EPHA3: variants seen among roughly 807,000 people sequenced by gnomAD.
EPHA3 encodes the protein EPH receptor A3.
A neutral mutation model predicts 107.1 loss-of-function variants in EPHA3; 42 were observed. That is an observed-to-expected ratio of 0.39 (90% CI 0.31 to 0.51). The LOEUF (loss-of-function observed/expected upper bound fraction) is 0.51, where lower values mean the gene tolerates loss of function less well. Among genes scored for constraint, EPHA3 ranks in the 20% least tolerant of loss-of-function variants. The probability of loss-of-function intolerance (pLI) is 0.78; values close to 1 mark genes in which losing one functional copy is unlikely to be tolerated. For synonymous variants in EPHA3, 461 were observed against 424.8 expected (o/e 1.09, Z -1.05); for missense variants, 1,183 against 1,211.2 (o/e 0.98, Z 0.35).
chr3:89,435,227 G>T (rs535012681), intron 13 of EPHA3, among the ~76,000 whole-genome samples: 1 of 151,694 alleles, frequency 6.6e-6, no homozygotes, highest in Non-Finnish European at 1.5e-5. Flanking sequence ...TATATTTAAA[G>T]CTAAATTATA....
At chr3:89,326,930 G>T (rs1335162823) in intron 3 of EPHA3, among the ~76,000 whole-genome samples, 1 of 152,054 alleles carries the variant, frequency 6.6e-6, no homozygotes, top group Non-Finnish European at 1.5e-5. Flanking sequence ...ATATGTGTTT[G>T]GTTGGACCAA....
chr3:89,142,043 C>T (rs1443989788), intron 2 of EPHA3, among the ~76,000 whole-genome samples: 4 of 151,154 alleles, frequency 2.6e-5, no homozygotes, highest in Admixed American at 6.6e-5. Flanking sequence ...AAAAATAAAA[C>T]TTTTTTCTAA....
chr3:89,390,093 G>T (rs1708694211), intron 5 of EPHA3, among the ~76,000 whole-genome samples: 1 of 152,072 alleles, frequency 6.6e-6, no homozygotes, highest in Non-Finnish European at 1.5e-5. Context: ...CAGGATTCAA[G>T]TGATTCTCCT....
At chr3:89,225,644 A>G (rs1474496377) in intron 3 of EPHA3, among the ~76,000 whole-genome samples, 4 of 152,224 alleles carry the variant, frequency 2.6e-5, no homozygotes, top group Admixed American at 2.0e-4. Context: ...TAGGTATGCC[A>G]TAAGTTCATA....
intron 3 of EPHA3, among the ~76,000 whole-genome samples, chr3:89,320,934 A>G (rs1707027970): frequency 6.6e-6 from 1 of 152,032 alleles, no homozygotes; most frequent in Non-Finnish European, 1.5e-5. Context: ...GGCTACTGAA[A>G]AGTCACTCCT....
intron 3 of EPHA3, among the ~76,000 whole-genome samples, chr3:89,283,310 A>G (rs1251774735): frequency 1.3e-5 from 2 of 152,092 alleles, no homozygotes; most frequent in Non-Finnish European, 2.9e-5. Flanking sequence ...GAAACAGAGG[A>G]AAAACATAAT....
intron 2 of EPHA3, among the ~76,000 whole-genome samples, chr3:89,165,702 C>T (rs1267777707): frequency 3.3e-5 from 5 of 152,174 alleles, no homozygotes; most frequent in African/African-American, 9.6e-5. Flanking sequence ...TCTTTACATA[C>T]TCATCTTCTG....
intron 3 of EPHA3, among the ~76,000 whole-genome samples, chr3:89,266,942 C>T (rs1705551212): frequency 6.6e-6 from 1 of 151,872 alleles, no homozygotes; most frequent in Non-Finnish European, 1.5e-5. Flanking sequence ...GGGCTAAAAC[C>T]TCTGAAAGTC....
At chr3:89,275,982 T>C (rs989486856) in intron 3 of EPHA3, among the ~76,000 whole-genome samples, 10 of 151,998 alleles carry the variant, frequency 6.6e-5, no homozygotes, top group Non-Finnish European at 4.4e-5. Context: ...TTGCAGAAGG[T>C]GTCTGAACTA....
chr3:89,244,159 A>C (rs1397271997), intron 3 of EPHA3, among the ~76,000 whole-genome samples: 2 of 152,114 alleles, frequency 1.3e-5, no homozygotes, highest in Non-Finnish European at 2.9e-5. Context: ...TGTAATTCTG[A>C]AAAAATATTA....
At chr3:89,385,142 C>A (rs893649995) in intron 5 of EPHA3, among the ~76,000 whole-genome samples, 1 of 152,082 alleles carries the variant, frequency 6.6e-6, no homozygotes, top group African/African-American at 2.4e-5. Flanking sequence ...AAAAGGATTT[C>A]ATTATGAAAA....
chr3:89,323,015 T>A (rs532348355), intron 3 of EPHA3, among the ~76,000 whole-genome samples: 12 of 152,224 alleles, frequency 7.9e-5, no homozygotes, highest in African/African-American at 2.9e-4. Context: ...TTGTGAATTA[T>A]ATTTAAAAAG....
intron 5 of EPHA3, among the ~76,000 whole-genome samples, chr3:89,375,494 C>G (rs1708385481): frequency 6.6e-6 from 1 of 151,460 alleles, no homozygotes; most frequent in Admixed American, 6.6e-5. Flanking sequence ...AGAGTGGGAG[C>G]CCGTTTGGAA....
intron 13 of EPHA3, among the ~76,000 whole-genome samples, chr3:89,434,608 T>C (rs1330666971): frequency 2.0e-5 from 3 of 152,194 alleles, no homozygotes; most frequent in Non-Finnish European, 2.9e-5. Context: ...CTGGCAGGAA[T>C]TGGAAACATT....
At chr3:89,237,484 A>C (rs1311734325) in intron 3 of EPHA3, among the ~76,000 whole-genome samples, 1 of 152,244 alleles carries the variant, frequency 6.6e-6, no homozygotes, top group Non-Finnish European at 1.5e-5. Flanking sequence ...AAATAGAGAT[A>C]TCCATAATTG....
At chr3:89,138,711 A>G (rs1198873226) in intron 2 of EPHA3, among the ~76,000 whole-genome samples, 5 of 151,902 alleles carry the variant, frequency 3.3e-5, no homozygotes, top group African/African-American at 9.7e-5. Flanking sequence ...ACCTAGAATG[A>G]GCCTTTTATT....
chr3:89,198,724 C>T lies in EPHA3; in HGVS notation c.154-11136C>T, dbSNP rs543781496. Among the ~76,000 whole-genome samples, 15 of 152,194 alleles carry T rather than the reference C, an allele frequency of 9.9e-5. No homozygotes were observed. The South Asian group carries it at 1.0e-3, about 11-fold the overall frequency. On this transcript the variant is annotated intron_variant, in intron 2 of 16. Coordinates refer to ENST00000336596, the MANE Select transcript of EPHA3 (RefSeq NM_005233.6). ...TAGTGACACCAGTTAATTTCATTTC[C>T]GTCACCGGGAGTGCTCCGCAGGTAT...
Position 89,408,095 on chromosome 3 carries a change from G to A in EPHA3, c.1726G>A (p.Ala576Thr), listed in dbSNP as rs2107517250. 1 of 1,612,854 alleles carries A rather than the reference G, an allele frequency of 6.2e-7. No individual in the cohort carries two copies. The highest frequency in any genetic ancestry group is 8.5e-7 in the Non-Finnish European group (1 of 1,179,140). The change falls in exon 9 of 17, where the codon GCA (alanine) becomes ACA (threonine). Residue 576 changes from alanine to threonine, a missense_variant. Coordinates refer to ENST00000336596, the MANE Select transcript of EPHA3 (RefSeq NM_005233.6). ...CTGTGGCTATAAGTCAAAACATGGGGCAGATGAAAAAAGACTTCATTTTGG... is the reference window on the plus strand; with the variant it reads ...CTGTGGCTATAAGTCAAAACATGGGACAGATGAAAAAAGACTTCATTTTGG... ...RFCGYKSKHGADEKRLHFGNG... is the reference protein window; with the variant it reads ...RFCGYKSKHGTDEKRLHFGNG...
chr3:89,170,487 A>G (rs1396140497), intron 2 of EPHA3, among the ~76,000 whole-genome samples: 1 of 152,032 alleles, frequency 6.6e-6, no homozygotes, highest in Non-Finnish European at 1.5e-5. Context: ...CTGGGAGTGA[A>G]GATTTCCACT....
Sources: allele counts gnomAD v4.1 joint callset (sites outside exome capture counted in the v4.1 genomes callset), GRCh38; gene constraint gnomAD v4.1.1; transcripts MANE v1.5; gene names NCBI Gene and HGNC (gene_info 2026-07-23, HGNC 2026-07-21).